The following CLMP variants were observed in gnomAD, a reference collection of about 807,000 sequenced individuals.
CLMP encodes CXADR-like membrane protein.
A neutral mutation model predicts 45.2 loss-of-function variants in CLMP; 27 were observed. The observed-to-expected ratio is 0.60, with a 90% confidence interval of 0.44 to 0.82. CLMP has a LOEUF of 0.82. Ranked by LOEUF, CLMP falls within the 40% of genes least tolerant of loss-of-function variation. CLMP has a pLI of 0.00. For synonymous variants in CLMP, 167 were observed against 171.4 expected (o/e 0.97, Z 0.20); for missense variants, 403 against 448.4 (o/e 0.90, Z 0.91).
At chr11:123,121,114 G>A (rs1160671895) in intron 1 of CLMP, among the ~76,000 whole-genome samples, 3 of 133,396 alleles carry the variant, frequency 2.2e-5, no homozygotes, top group African/African-American at 5.8e-5. Context: ...GCGACAGAGC[G>A]AGACTCCGTC....
intron 5 of CLMP, among the ~76,000 whole-genome samples, chr11:123,081,343 T>C (rs1158164809): frequency 2.6e-5 from 4 of 152,214 alleles, no homozygotes; most frequent in African/African-American, 9.6e-5. Context: ...TTATCCTGTC[T>C]TTTTTCAAGA....
chr11:123,118,928 C>CTTTTCTTTTCT (rs1860754693), intron 1 of CLMP, among the ~76,000 whole-genome samples: 1 of 123,680 alleles, frequency 8.1e-6, no homozygotes, highest in Non-Finnish European at 1.7e-5. Flanking sequence ...ATTTTCTTTT[C>CTTTTCTTTTCT]TTTTCTTTCT....
chr11:123,097,751 G>T (rs751718910), intron 2 of CLMP, 44 bp downstream of exon 2: 17 of 1,451,638 alleles, frequency 1.2e-5, no homozygotes, highest in Middle Eastern at 3.9e-4. Flanking sequence ...GGCAAATGCA[G>T]GAGGACAAGA....
intron 2 of CLMP, among the ~76,000 whole-genome samples, chr11:123,092,221 A>G (rs1198774492): frequency 6.6e-6 from 1 of 151,920 alleles, no homozygotes; most frequent in Non-Finnish European, 1.5e-5. Flanking sequence ...ACGTTCAGGT[A>G]GGTCTGACTC....
chr11:123,115,306 C>A (rs939609766), intron 1 of CLMP, among the ~76,000 whole-genome samples: 1 of 152,018 alleles, frequency 6.6e-6, no homozygotes, highest in Non-Finnish European at 1.5e-5. Flanking sequence ...TCTAGGCTCT[C>A]AAAGTGCTGG....
rs116759032 is a variant in CLMP, at chr11:123,143,303, G to A, written c.29-45351C>T. Among the ~76,000 whole-genome samples, 962 of 152,242 alleles carry A rather than the reference G, an allele frequency of 6.3e-3. 13 individuals carry two copies. Among genetic ancestry groups the A allele is most frequent in the African/African-American group, 0.022 (919 of 41,518 alleles). ...GTGACTGTTGCCAATCATTGTCCCC[G>A]ACCCTCACTTTCAACCAAGTCACAG... On this transcript the variant is annotated intron_variant, in intron 1 of 6. Coordinates refer to ENST00000448775, the MANE Select transcript of CLMP (RefSeq NM_024769.5).
At chr11:123,103,425 G>T (rs1860481590) in intron 1 of CLMP, among the ~76,000 whole-genome samples, 1 of 152,178 alleles carries the variant, frequency 6.6e-6, no homozygotes, top group South Asian at 2.1e-4. Context: ...GGAATCAAAG[G>T]CTCAGATTCG....
intron 1 of CLMP, among the ~76,000 whole-genome samples, chr11:123,163,480 G>A (rs1002048411): frequency 1.3e-5 from 2 of 152,212 alleles, no homozygotes; most frequent in African/African-American, 4.8e-5. Context: ...AAGGAAGAGA[G>A]TTGAAAGAGA....
At chr11:123,126,768 G>A (rs1021305331) in intron 1 of CLMP, among the ~76,000 whole-genome samples, 1 of 151,866 alleles carries the variant, frequency 6.6e-6, no homozygotes, top group African/African-American at 2.4e-5. Flanking sequence ...GTGGTGGTGG[G>A]CGCCTGTAGT....
At chr11:123,080,313 G>C (rs1865789848) in intron 5 of CLMP, among the ~76,000 whole-genome samples, 2 of 149,552 alleles carry the variant, frequency 1.3e-5, no homozygotes, top group African/African-American at 4.9e-5. Flanking sequence ...AAAAAGAGGA[G>C]AATGAAGGTG....
intron 1 of CLMP, among the ~76,000 whole-genome samples, chr11:123,149,804 T>C (rs1366688064): frequency 6.7e-6 from 1 of 150,012 alleles, no homozygotes; most frequent in Non-Finnish European, 1.5e-5. Context: ...TCTTTCTTTC[T>C]TTGTTTCTTT....
At chr11:123,136,747 C>T (rs112488272) in intron 1 of CLMP, among the ~76,000 whole-genome samples, 5,064 of 150,700 alleles carry the variant, frequency 0.034, 256 homozygotes, top group African/African-American at 0.11. Context: ...TTTGCATTTT[C>T]AGTAGAGAGG....
intron 5 of CLMP, among the ~76,000 whole-genome samples, chr11:123,076,881 G>T (rs75738626): frequency 0.14 from 21,879 of 152,044 alleles, 1,611 homozygotes; most frequent in African/African-American, 0.16. Flanking sequence ...TAATAGTGCA[G>T]GCTGGAGATC....
chr11:123,090,707 A>C (rs1865921385), intron 2 of CLMP, among the ~76,000 whole-genome samples: 1 of 152,198 alleles, frequency 6.6e-6, no homozygotes, highest in African/African-American at 2.4e-5. Flanking sequence ...TGTTCAGCCC[A>C]ATACGCAAAG....
At chr11:123,192,308 G>GA (rs775080305) in intron 1 of CLMP, among the ~76,000 whole-genome samples, 16 of 152,166 alleles carry the variant, frequency 1.1e-4, no homozygotes, top group Admixed American at 2.0e-4. Flanking sequence ...GAAGAAGGGA[G>GA]AAAAACCATA....
chr11:123,142,266 G>GT (rs964043798), intron 1 of CLMP, among the ~76,000 whole-genome samples: 2 of 152,092 alleles, frequency 1.3e-5, no homozygotes, highest in African/African-American at 4.8e-5. Context: ...CATTACAGGC[G>GT]TAAGTCACTG....
At chr11:123,171,252 G>A (rs1409157968) in intron 1 of CLMP, among the ~76,000 whole-genome samples, 1 of 152,082 alleles carries the variant, frequency 6.6e-6, no homozygotes, top group Non-Finnish European at 1.5e-5. Context: ...AGTCACACCA[G>A]GGAGTCTAAA....
intron 5 of CLMP, among the ~76,000 whole-genome samples, chr11:123,077,362 G>T (rs1865753498): frequency 6.6e-6 from 1 of 151,804 alleles, no homozygotes; most frequent in Non-Finnish European, 1.5e-5. Context: ...ACAGAGTTTT[G>T]CTCTTGTTGC....
At chr11:123,129,428 AAT>A (rs1420609195) in intron 1 of CLMP, among the ~76,000 whole-genome samples, 2 of 97,280 alleles carry the variant, frequency 2.1e-5, no homozygotes, top group Admixed American at 1.1e-4. Context: ...TATTATATAA[AAT>A]ATATATCATA....
Sources: gnomAD v4.1 joint callset for allele counts (sites outside exome capture counted in the v4.1 genomes callset) on GRCh38, gnomAD v4.1.1 for gene constraint, MANE v1.5 for transcripts, NCBI Gene and HGNC (gene_info 2026-07-23, HGNC 2026-07-21) for gene names.